The following CTNNA2 variants were observed in gnomAD, a reference collection of about 807,000 sequenced individuals.
CTNNA2 encodes catenin alpha-2.
In CTNNA2, 42 loss-of-function variants were observed where a neutral mutation model predicts 101.0. That is an observed-to-expected ratio of 0.42 (90% confidence interval 0.32 to 0.54). The LOEUF is 0.54. CTNNA2 is among the 20% of genes least tolerant of loss of function. CTNNA2 has a pLI of 0.14. For synonymous variants in CTNNA2, 450 were observed against 456.4 expected (o/e 0.99, Z 0.18); for missense variants, 871 against 1,223.1 (o/e 0.71, Z 4.29).
intron 1 of CTNNA2, among the ~76,000 whole-genome samples, chr2:79,537,663 G>C (rs557325602): frequency 1.3e-5 from 2 of 152,088 alleles, no homozygotes. Flanking sequence ...CTTGCTGCCC[G>C]CACTATGTAA....
At chr2:80,459,752 A>G (rs1255380413) in intron 9 of CTNNA2, among the ~76,000 whole-genome samples, 1 of 152,148 alleles carries the variant, frequency 6.6e-6, no homozygotes, top group Non-Finnish European at 1.5e-5. Context: ...TCCTACCATC[A>G]AAATCTGTCT....
At chr2:79,847,572 A>T (rs928969196) in intron 3 of CTNNA2, among the ~76,000 whole-genome samples, 3 of 147,706 alleles carry the variant, frequency 2.0e-5, no homozygotes, top group African/African-American at 7.6e-5. Flanking sequence ...AAAAAAAAAA[A>T]GCTAGAACAA....
chr2:79,275,205 G>A (rs1000564890), intron 2 of CTNNA2, among the ~76,000 whole-genome samples: 2 of 152,040 alleles, frequency 1.3e-5, no homozygotes, highest in South Asian at 2.1e-4. Flanking sequence ...GCTGTGTCAA[G>A]ACAAAATGAC....
intron 7 of CTNNA2, among the ~76,000 whole-genome samples, chr2:79,911,612 C>T (rs1685806191): frequency 6.6e-6 from 1 of 152,096 alleles, no homozygotes; most frequent in Non-Finnish European, 1.5e-5. Context: ...GTTTTCTGTT[C>T]GCAGCCTCGT....
At chr2:80,240,627 C>T (rs188615837) in intron 7 of CTNNA2, among the ~76,000 whole-genome samples, 3 of 152,080 alleles carry the variant, frequency 2.0e-5, no homozygotes, top group South Asian at 2.1e-4. Flanking sequence ...TTAATAACCC[C>T]GGGAAAAAAA....
chr2:79,372,023 C>T (rs1677882993), intron 3 of CTNNA2, among the ~76,000 whole-genome samples: 1 of 152,134 alleles, frequency 6.6e-6, no homozygotes, highest in South Asian at 2.1e-4. Flanking sequence ...CAGCCATTCT[C>T]CACCTTTTGA....
At chr2:79,913,140 C>G (rs2104339918) in intron 7 of CTNNA2, among the ~76,000 whole-genome samples, 1 of 152,270 alleles carries the variant, frequency 6.6e-6, no homozygotes, top group African/African-American at 2.4e-5. Flanking sequence ...GAGCAAGAGT[C>G]ACTTCAGATA....
At chr2:79,707,026 A>T (rs79938478) in intron 2 of CTNNA2, among the ~76,000 whole-genome samples, 2 of 152,246 alleles carry the variant, frequency 1.3e-5, no homozygotes, top group East Asian at 3.9e-4. Context: ...CCTACTTTGT[A>T]TGTTATAAAA....
chr2:80,214,534 G>A (rs1487875502), intron 7 of CTNNA2, among the ~76,000 whole-genome samples: 1 of 152,172 alleles, frequency 6.6e-6, no homozygotes, highest in East Asian at 1.9e-4. Flanking sequence ...AATGTTAAAT[G>A]TTGGCTACCA....
intron 3 of CTNNA2, among the ~76,000 whole-genome samples, chr2:79,369,949 G>C (rs1573129642): frequency 6.6e-6 from 1 of 152,142 alleles, no homozygotes. Context: ...TATCTACAAG[G>C]TTGTAAGATA....
In CTNNA2 at chr2:79,934,615, G is replaced by T. The variant is rs116553900; in HGVS notation, c.1056+24818G>T. Among the ~76,000 whole-genome samples, 1,426 of 152,320 alleles carry T rather than the reference G, an allele frequency of 9.4e-3. 19 individuals carry two copies. Among genetic ancestry groups the T allele is most frequent in the Middle Eastern group, 0.024 (7 of 294 alleles). ...GAAGTCTTTGAGCATCCCAAGTAGG[G>T]AGGGTATGTGGCTTAAGGGACTGGT... On this transcript the variant is annotated intron_variant, in intron 7 of 18. Coordinates refer to ENST00000402739, the MANE Select transcript of CTNNA2 (RefSeq NM_001282597.3).
chr2:80,163,929 C>CT (rs201787223), intron 7 of CTNNA2, among the ~76,000 whole-genome samples: 1 of 151,220 alleles, frequency 6.6e-6, no homozygotes, highest in Non-Finnish European at 1.5e-5. Context: ...GCCAATTCTG[C>CT]TTTTTTTCAT....
At chr2:79,422,158 C>T (rs1366034215) in intron 4 of CTNNA2, among the ~76,000 whole-genome samples, 1 of 152,010 alleles carries the variant, frequency 6.6e-6, no homozygotes, top group Non-Finnish European at 1.5e-5. Flanking sequence ...GTCTCAAAAA[C>T]AAACAAACAG....
At chr2:80,152,841 T>G (rs577536981) in intron 7 of CTNNA2, among the ~76,000 whole-genome samples, 13 of 152,328 alleles carry the variant, frequency 8.5e-5, no homozygotes, top group African/African-American at 2.6e-4. Flanking sequence ...CTGCTAGAGT[T>G]CAGAAATCTT....
chr2:79,533,636 G>A (rs1236037144), intron 1 of CTNNA2, among the ~76,000 whole-genome samples: 2 of 152,016 alleles, frequency 1.3e-5, no homozygotes, highest in East Asian at 1.9e-4. Context: ...CTTAATAATG[G>A]CACATGTTCC....
At chr2:79,837,118 A>AAT (rs1201754970) in intron 3 of CTNNA2, among the ~76,000 whole-genome samples, 1 of 151,972 alleles carries the variant, frequency 6.6e-6, no homozygotes, top group Non-Finnish European at 1.5e-5. Flanking sequence ...GAACTAATGG[A>AAT]ATATATATGT....
At chr2:79,287,910 C>T (rs7572562) in intron 2 of CTNNA2, among the ~76,000 whole-genome samples, 2 of 152,170 alleles carry the variant, frequency 1.3e-5, no homozygotes, top group Non-Finnish European at 2.9e-5. Flanking sequence ...ACTCCACGGG[C>T]GTCGGACCCT....
chr2:80,115,547 A>T (rs1701462723), intron 7 of CTNNA2, among the ~76,000 whole-genome samples: 1 of 152,216 alleles, frequency 6.6e-6, no homozygotes, highest in African/African-American at 2.4e-5. Flanking sequence ...TAATTGTGCC[A>T]GTAAAAGCAA....
At chr2:79,852,946 A>C (rs926297629) in intron 3 of CTNNA2, among the ~76,000 whole-genome samples, 2 of 151,826 alleles carry the variant, frequency 1.3e-5, no homozygotes, top group Non-Finnish European at 1.5e-5. Context: ...GGCTCACTGC[A>C]ACCTCTGCTT....
Sources: gnomAD v4.1 joint callset for allele counts (sites outside exome capture counted in the v4.1 genomes callset) on GRCh38, gnomAD v4.1.1 for gene constraint, MANE v1.5 for transcripts, NCBI Gene and HGNC (gene_info 2026-07-23, HGNC 2026-07-21) for gene names.